IGSF1: variants seen among roughly 807,000 people sequenced by gnomAD.
The protein encoded by IGSF1 is immunoglobulin superfamily member 1.
IGSF1 carries 40 observed loss-of-function variants against 95.3 expected under a neutral mutation model. The ratio of observed to expected loss-of-function variants is 0.42; its 90% CI spans 0.33 to 0.55. IGSF1 has a LOEUF of 0.55. Ranked by LOEUF, IGSF1 falls within the 20% of genes least tolerant of loss-of-function variation. The probability of loss-of-function intolerance (pLI) is 0.10; values close to 1 mark genes in which losing one functional copy is unlikely to be tolerated. For synonymous variants in IGSF1, 372 were observed against 382.9 expected (o/e 0.97, Z 0.33); for missense variants, 906 against 1,025.4 (o/e 0.88, Z 1.59).
Position 131,273,947 on chromosome X carries a change from G to A in IGSF1, c.3876-16C>T. On this transcript the variant is annotated splice_polypyrimidine_tract_variant and intron_variant, in intron 19 of 19. Coordinates refer to ENST00000361420, the MANE Select transcript of IGSF1 (RefSeq NM_001555.5). ...CTCTGAGCCTCTATGTAAAGAAAAA[G>A]ACATGAGTAAGGGAGGACCCAGAAA... The A allele has an allele frequency of 8.3e-7, 1 of 1,207,806 alleles. No homozygotes were observed. The highest frequency in any genetic ancestry group is 1.8e-5 in the South Asian group (1 of 56,388).
rs1271307306 is a variant in IGSF1 at position 131,277,217 on chromosome X, G to A, written c.2330C>T (p.Pro777Leu). ...GGCCCATGTCTTGAAGAAGGGCTTA[G>A]GGTACATTTCTAGAAGGCAAAAAAC... Reference protein sequence around the residue: ...PLELVIKEMYPKPFFKTWASP... With the variant: ...PLELVIKEMYLKPFFKTWASP... The change falls in exon 14 of 20, where the codon CCT becomes CTT. Residue 777 changes from proline to leucine, a missense_variant. Physicochemically the swap from Pro to Leu is moderately conservative, Grantham distance 98. Transcript: ENST00000361420. 2 of 1,178,926 alleles carry A rather than the reference G, an allele frequency of 1.7e-6. No individual in the cohort carries two copies. Among genetic ancestry groups the A allele is most frequent in the South Asian group, 1.9e-5 (1 of 51,875 alleles).
rs923034176 is a variant in IGSF1, at chrX:131,277,026, T to C, written c.2521A>G (p.Ile841Val). Residue 841 changes from isoleucine (I) to valine (V), a missense_variant, in exon 14 of 20, where the codon ATT becomes GTT. By Grantham distance (29) the Ile-to-Val change is conservative. Around this residue, in one of 5 missense-constraint regions of IGSF1, gnomAD observed 411 missense variants for 494.9 expected, o/e 0.83. Transcript: ENST00000361420. Reference protein sequence around the residue: ...AAHFLIISVGIGDGGNYSCRY... With the variant: ...AAHFLIISVGVGDGGNYSCRY... Reference sequence around the variant, plus strand: ...CAGCTGTAATTCCCTCCATCACCAATGCCCACCGAAATGATTAGAAAGTGA... The same window carrying C: ...CAGCTGTAATTCCCTCCATCACCAACGCCCACCGAAATGATTAGAAAGTGA... 16 of 1,208,276 alleles carry C rather than the reference T, an allele frequency of 1.3e-5. No individual in the cohort carries two copies. Among genetic ancestry groups the C allele is most frequent in the Admixed American group, 8.8e-5 (4 of 45,616 alleles).
At chrX:131,284,109 A>G (rs2080600148) in intron 5 of IGSF1, 2 of 722,836 alleles carry the variant, frequency 2.8e-6, no homozygotes, top group Non-Finnish European at 1.6e-6. Context: ...TCATACACTC[A>G]GTTCAAACAG....
intron 7 of IGSF1, 31 bp downstream of exon 7, chrX:131,282,413 G>A: frequency 8.7e-7 from 1 of 1,148,824 alleles, no homozygotes; most frequent in South Asian, 1.9e-5. Flanking sequence ...AAACAAACAG[G>A]TTGATAATAA....
chrX:131,285,168 G>A lies in IGSF1; in HGVS notation c.667+11C>T, dbSNP rs2080615920. ...CAATTGCCAGATGCCAGCAGCCATA[G>A]CCACACCCACCTGCTACAACCAGCT... On this transcript the variant is annotated intron_variant, in intron 5 of 19. Transcript: ENST00000361420. 8.6e-7 allele frequency: 1 copy of A among 1,169,286 alleles called. No homozygotes were observed. Among genetic ancestry groups the A allele is most frequent in the Admixed American group, 2.4e-5 (1 of 42,203 alleles).
At chrX:131,286,853 G>A (rs1247840212) in intron 1 of IGSF1, 112 bp from the exon 2 acceptor site, 13 of 373,606 alleles carry the variant, frequency 3.5e-5, no homozygotes, top group Non-Finnish European at 5.9e-5. Flanking sequence ...CAGGCATGCA[G>A]GGTATTACAA....
At chrX:131,274,310 T>C (rs2080450758) in intron 18 of IGSF1, 104 bp from the exon 19 acceptor site, 1 of 1,038,901 alleles carries the variant, frequency 9.6e-7, no homozygotes, top group South Asian at 2.1e-5. Context: ...AGGGTTCACG[T>C]GGGAGCCATC....
At chrX:131,281,597 T>C in intron 8 of IGSF1, 69 bp downstream of exon 8, 1 of 1,108,214 alleles carries the variant, frequency 9.0e-7, no homozygotes. Flanking sequence ...CTTTCCCATA[T>C]CTTTCTGGGC....
Position 131,282,494 on chromosome X carries a change from T to C in IGSF1, c.1196A>G (p.Lys399Arg). The C allele has an allele frequency of 8.3e-7, 1 of 1,209,552 alleles. No individual in the cohort carries two copies. Among genetic ancestry groups the C allele is most frequent in the Non-Finnish European group, 1.1e-6 (1 of 893,222 alleles). The change falls in exon 7 of 20, where the codon AAG becomes AGG. Residue 399 changes from lysine to arginine, a missense_variant. By Grantham distance (26) the Lys-to-Arg change is conservative. Around this residue, in one of 5 missense-constraint regions of IGSF1, gnomAD observed 442 missense variants for 448.1 expected, o/e 0.99. Coordinates refer to ENST00000361420, the MANE Select transcript of IGSF1 (RefSeq NM_001555.5). ...GTGTGATGGCATCCTAATGGAGGTC[T>C]TCCAGGTGAGAAGATAGTGGCAGCT... ...IYSCHYLLTW[K>R]TSIRMPSHNT... is the part of the protein sequence containing the mutation.
chrX:131,281,783 T>C lies in IGSF1; in HGVS notation c.1408A>G (p.Ile470Val). Reference protein sequence around the residue: ...FQKFSVNGDFIISNVDGKGTG... With the variant: ...FQKFSVNGDFVISNVDGKGTG... ...CCTTTCCCGTCAACATTACTGATGA[T>C]GAAGTCTCCGTTTACTGAGAATTTT... is the stretch of plus-strand genomic sequence containing the variant. Residue 470 changes from isoleucine to valine, a missense_variant, in exon 8 of 20, where the codon ATC becomes GTC. Transcript: ENST00000361420. 9.1e-6 allele frequency: 11 copies of C among 1,211,406 alleles called. No individual in the cohort carries two copies. Among genetic ancestry groups the C allele is most frequent in the Non-Finnish European group, 1.1e-5 (10 of 895,120 alleles).
rs1321682330 is a variant in IGSF1, at chrX:131,273,699, A to G, written c.*97T>C. The stretch of plus-strand genomic sequence containing the variant: ...AGCTCAGGTGATTAGAGACCAAGGA[A>G]CAGCAGATGGGGCTGACTTGCAGGG... On this transcript the variant is annotated 3_prime_UTR_variant, in exon 20 of 20. Coordinates refer to ENST00000361420, the MANE Select transcript of IGSF1 (RefSeq NM_001555.5). 1.2e-6 allele frequency: 1 copy of G among 859,491 alleles called. No individual in the cohort carries two copies. The highest frequency in any genetic ancestry group is 1.7e-6 in the Non-Finnish European group (1 of 603,217). 70.8% of individuals were successfully genotyped at this position (859,491 alleles called of 1,213,427 possible).
chrX:131,289,253 T>G lies in IGSF1; in HGVS notation c.-107A>C. 2.7e-6 allele frequency: 1 copy of G among 375,562 alleles called. No individual in the cohort carries two copies. The highest frequency in any genetic ancestry group is 5.2e-6 in the Non-Finnish European group (1 of 192,538). 31.0% of individuals were successfully genotyped at this position (375,562 alleles called of 1,213,427 possible). A position where few individuals can be genotyped will look rare whatever the true frequency, so the allele number is the denominator to read the frequency against. ...CGCTCCGATGTTGGAGATTCTCCAG[T>G]GAGCTCCTCCAGATGCAGCAAACTG... On this transcript the variant is annotated 5_prime_UTR_variant, in exon 1 of 20. Transcript: ENST00000361420.
chrX:131,277,090 G>T lies in IGSF1; in HGVS notation c.2457C>A (p.Ser819=), dbSNP rs757071351. 1 of 1,209,527 alleles carries T rather than the reference G, an allele frequency of 8.3e-7. No individual in the cohort carries two copies. The highest frequency in any genetic ancestry group is 3.0e-5 in the East Asian group (1 of 33,722). ...CCGGACTTGCCCAGGACCTGTCACT[G>T]GATGCTATTTCACTTCCATCTTTGT... is the stretch of plus-strand genomic sequence containing the variant. ...ILYKDGSEIA[S]SDRSWASPGA... is the part of the protein sequence containing the mutation. Residue 819 remains serine, a synonymous_variant, in exon 14 of 20, where the codon TCC becomes TCA. Coordinates refer to ENST00000361420, the MANE Select transcript of IGSF1 (RefSeq NM_001555.5).
Position 131,281,335 on chromosome X carries a change from T to C in IGSF1, c.1529A>G (p.Tyr510Cys), listed in dbSNP as rs749105735. The stretch of plus-strand genomic sequence containing the variant: ...ATTCAGAACGTAATTCCAGGTGAGA[T>C]AGCCTGTGGCCAGAGAAGACCAGAA... ...EPLKLMGPAG[Y>C]LTWNYVLNEA... The change falls in exon 9 of 20, where the codon TAT (tyrosine) becomes TGT (cysteine). Residue 510 changes from tyrosine (Y) to cysteine (C), a missense_variant. Transcript: ENST00000361420. The C allele has an allele frequency of 2.5e-6, 3 of 1,211,398 alleles. No homozygotes were observed. The highest frequency in any genetic ancestry group is 3.5e-5 in the African/African-American group (2 of 57,807).
intron 1 of IGSF1, chrX:131,288,873 C>A (rs2080679382): frequency 1.1e-5 from 2 of 180,259 alleles, no homozygotes; most frequent in South Asian, 1.9e-4. Context: ...TCTGAAATGT[C>A]TAATGGCTCG....
upstream of IGSF1, chrX:131,289,426 A>T (rs777511781): frequency 2.6e-5 from 9 of 344,791 alleles, no homozygotes; most frequent in Admixed American, 1.9e-4. Context: ...TCTGCCTGGC[A>T]CCTGCAGTCC....
At chrX:131,274,498 C>T in intron 18 of IGSF1, 101 bp downstream of exon 18, 1 of 930,616 alleles carries the variant, frequency 1.1e-6, no homozygotes, top group Non-Finnish European at 1.5e-6. Flanking sequence ...GTCCCTGGCT[C>T]CAAAGCTCCT....
At chrX:131,284,606 A>G (rs1268030730) in intron 5 of IGSF1, 26 of 750,134 alleles carry the variant, frequency 3.5e-5, no homozygotes, top group Non-Finnish European at 3.5e-5. Flanking sequence ...CATTTTGGGG[A>G]AATTTCTTCT....
intron 14 of IGSF1, 123 bp downstream of exon 14, chrX:131,276,816 G>T: frequency 1.5e-6 from 1 of 661,156 alleles, no homozygotes. Flanking sequence ...CTATGGGCCA[G>T]CCGCTGTCCT....
Sources: allele counts gnomAD v4.1 joint callset, GRCh38; gene constraint gnomAD v4.1.1; regional missense constraint gnomAD v4.1.1; transcripts MANE v1.5; gene names NCBI Gene and HGNC (gene_info 2026-07-23, HGNC 2026-07-21).